The following SPMIP4 variants were observed in gnomAD, a reference collection of about 807,000 sequenced individuals.
SPMIP4 encodes sperm-associated microtubule inner protein 4.
chr7:25,168,665 C>G, the SPMIP4 span, among the ~76,000 whole-genome samples: 10 of 151,942 alleles, frequency 6.6e-5, no homozygotes, highest in African/African-American at 2.4e-4. Flanking sequence ...GGTTAAATTT[C>G]TGAGGACTTA....
chr7:25,145,772 T>A, the SPMIP4 span, among the ~76,000 whole-genome samples: 1 of 152,206 alleles, frequency 6.6e-6, no homozygotes, highest in Non-Finnish European at 1.5e-5. Flanking sequence ...ATGTAACTCA[T>A]AACCTATTTA....
chr7:25,153,943 G>C, the SPMIP4 span, among the ~76,000 whole-genome samples: 2 of 152,214 alleles, frequency 1.3e-5, no homozygotes, highest in Non-Finnish European at 2.9e-5. Context: ...TACGCTAGCA[G>C]GGTAAGAGAA....
chr7:25,130,374 G>A, the SPMIP4 span, among the ~76,000 whole-genome samples: 18 of 144,630 alleles, frequency 1.2e-4, no homozygotes, highest in South Asian at 6.6e-4. Flanking sequence ...GTACAATTGC[G>A]CGATCTCGGC....
chr7:25,129,760 C>T, the SPMIP4 span, among the ~76,000 whole-genome samples: 1 of 152,004 alleles, frequency 6.6e-6, no homozygotes, highest in Non-Finnish European at 1.5e-5. Context: ...ATTAGACTAC[C>T]TCTGGAAGTG....
the SPMIP4 span, among the ~76,000 whole-genome samples, chr7:25,130,855 G>A: frequency 6.6e-6 from 1 of 152,234 alleles, no homozygotes; most frequent in African/African-American, 2.4e-5. Context: ...AAGCAAGATG[G>A]AAATAGCTAT....
At chr7:25,131,069 C>T in the SPMIP4 span, among the ~76,000 whole-genome samples, 9 of 152,322 alleles carry the variant, frequency 5.9e-5, no homozygotes, top group Middle Eastern at 6.8e-3. This position sits in a 1 kb window ranked among gnomAD's most constrained non-coding sequence, Gnocchi z 4.2. Context: ...CTCCCCTTCA[C>T]GCACATTACT....
At chr7:25,148,606 C>T in the SPMIP4 span, among the ~76,000 whole-genome samples, 1 of 151,302 alleles carries the variant, frequency 6.6e-6, no homozygotes, top group Non-Finnish European at 1.5e-5. Flanking sequence ...TCCTGAGTAG[C>T]TGAGGTTACA....
chr7:25,136,577 G>T, the SPMIP4 span: 1 of 1,614,148 alleles, frequency 6.2e-7, no homozygotes, highest in Non-Finnish European at 8.5e-7. The surrounding 1 kb of genome is among the most constrained non-coding windows in gnomAD (Gnocchi z 5.7). Context: ...TGGTTTTTAT[G>T]GGTCACACCG....
chr7:25,127,863 G>C, the SPMIP4 span, among the ~76,000 whole-genome samples: 2 of 152,170 alleles, frequency 1.3e-5, no homozygotes, highest in East Asian at 3.9e-4. Flanking sequence ...AGTATTTGAA[G>C]GGACTTGGGT....
the SPMIP4 span, among the ~76,000 whole-genome samples, chr7:25,129,070 C>T: frequency 6.6e-6 from 1 of 152,220 alleles, no homozygotes; most frequent in Non-Finnish European, 1.5e-5. Flanking sequence ...AGGAGTCTCT[C>T]CCAGTACTGT....
chr7:25,163,520 G>A, the SPMIP4 span, among the ~76,000 whole-genome samples: 2 of 152,298 alleles, frequency 1.3e-5, no homozygotes, highest in South Asian at 2.1e-4. This position sits in a 1 kb window ranked among gnomAD's most constrained non-coding sequence, Gnocchi z 4.4. Context: ...TGTGTGTCAG[G>A]TTTTCTCCAG....
the SPMIP4 span, among the ~76,000 whole-genome samples, chr7:25,173,102 A>C: frequency 6.6e-6 from 1 of 151,890 alleles, no homozygotes; most frequent in Non-Finnish European, 1.5e-5. The surrounding 1 kb of genome is among the most constrained non-coding windows in gnomAD (Gnocchi z 4.4). Flanking sequence ...GTAGGTAGAT[A>C]GGGAGAGAGA....
chr7:25,161,169 G>T, the SPMIP4 span: 1 of 1,441,966 alleles, frequency 6.9e-7, no homozygotes, highest in Non-Finnish European at 9.4e-7. Context: ...TTTTATATAA[G>T]GAAAAAAACC....
At chr7:25,158,420 T>C in the SPMIP4 span, 1 of 1,023,288 alleles carries the variant, frequency 9.8e-7, no homozygotes, top group Non-Finnish European at 1.5e-6. Context: ...TCACTTGTTT[T>C]CACACTTCTA....
the SPMIP4 span, among the ~76,000 whole-genome samples, chr7:25,174,348 A>T: frequency 1.1e-3 from 171 of 152,058 alleles, 1 homozygote; most frequent in Admixed American, 1.7e-3. The surrounding 1 kb of genome is among the most constrained non-coding windows in gnomAD (Gnocchi z 4.5). Context: ...AACAAAGAGA[A>T]TAATTATCAA....
At chr7:25,165,463 G>GT in the SPMIP4 span, among the ~76,000 whole-genome samples, 9 of 151,836 alleles carry the variant, frequency 5.9e-5, no homozygotes, top group South Asian at 2.1e-4. Context: ...TTGCTTTTTT[G>GT]TTTTTTTTAG....
At chr7:25,158,134 G>A in the SPMIP4 span, among the ~76,000 whole-genome samples, 3 of 151,878 alleles carry the variant, frequency 2.0e-5, no homozygotes, top group East Asian at 3.9e-4. Context: ...TTGGGAGGCC[G>A]AGGTGGGCGG....
the SPMIP4 span, among the ~76,000 whole-genome samples, chr7:25,127,431 A>G: frequency 3.3e-5 from 5 of 152,272 alleles, no homozygotes; most frequent in African/African-American, 7.2e-5. Flanking sequence ...CCCATCTTCA[A>G]GCTCACTAAT....
chr7:25,161,485 C>A, the SPMIP4 span, among the ~76,000 whole-genome samples: 1 of 151,996 alleles, frequency 6.6e-6, no homozygotes, highest in Non-Finnish European at 1.5e-5. Context: ...GATCCTCCTG[C>A]CTTGGCCTCC....
Sources: allele counts gnomAD v4.1 joint callset (sites outside exome capture counted in the v4.1 genomes callset), GRCh38; gene constraint gnomAD v4.1.1; non-coding constraint Gnocchi (gnomAD v3.1); transcripts MANE v1.5; gene names NCBI Gene and HGNC (gene_info 2026-07-23, HGNC 2026-07-21).